CACNG3: variants seen among roughly 807,000 people sequenced by gnomAD.
CACNG3 encodes voltage-dependent calcium channel gamma-3 subunit.
CACNG3 carries 3 observed loss-of-function variants against 28.5 expected under a neutral mutation model. The ratio of observed to expected loss-of-function variants is 0.11; its 90% CI spans 0.05 to 0.27. The LOEUF is 0.27. Among genes scored for constraint, CACNG3 ranks in the 10% least tolerant of loss-of-function variants. The pLI is 1.00. For synonymous variants in CACNG3, 174 were observed against 162.2 expected (o/e 1.07, Z -0.55); for missense variants, 236 against 414.4 (o/e 0.57, Z 3.74).
At chr16:24,349,052 C>A (rs147773877) in intron 2 of CACNG3, among the ~76,000 whole-genome samples, 97 of 152,318 alleles carry the variant, frequency 6.4e-4, no homozygotes, top group African/African-American at 2.2e-3. Context: ...AATGAGAACA[C>A]AGATTTCCTG....
chr16:24,279,446 G>A (rs945037911), intron 1 of CACNG3, among the ~76,000 whole-genome samples: 2 of 151,636 alleles, frequency 1.3e-5, no homozygotes, highest in African/African-American at 2.4e-5. Context: ...GAGGTGCACC[G>A]CTACACCTGG....
rs185109940 is a variant in CACNG3, at chr16:24,342,471, A to G, written c.212-4263A>G. ...CTAGATTACATCTTCTATCCCAGGA[A>G]GGCCCAAACTCCCCTTTGCTTTCCA... On this transcript the variant is annotated intron_variant, in intron 1 of 3. Transcript: ENST00000005284. 8.4e-3 allele frequency among the ~76,000 whole-genome samples: 1,285 copies of G among 152,292 alleles called. 21 individuals are homozygous for G. Among genetic ancestry groups the G allele is most frequent in the Non-Finnish European group, 9.3e-3 (634 of 68,022 alleles).
intron 1 of CACNG3, among the ~76,000 whole-genome samples, chr16:24,300,991 C>A (rs1001535447): frequency 6.8e-6 from 1 of 147,128 alleles, no homozygotes; most frequent in Non-Finnish European, 1.5e-5. Context: ...TGCAGTGAGC[C>A]GAGATCATGT....
chr16:24,354,321 C>A (rs2141383504), intron 2 of CACNG3, among the ~76,000 whole-genome samples: 1 of 152,222 alleles, frequency 6.6e-6, no homozygotes, highest in South Asian at 2.1e-4. Context: ...GACATTCTCC[C>A]AGTGAGCGCA....
intron 2 of CACNG3, among the ~76,000 whole-genome samples, chr16:24,352,602 G>C (rs753818334): frequency 2.0e-5 from 3 of 150,602 alleles, no homozygotes; most frequent in Non-Finnish European, 4.4e-5. Context: ...GCAGTGGTAC[G>C]ATCTCAGCTC....
At position 24,361,611 on chromosome 16, in the gene CACNG3, G is replaced by A; in HGVS notation, c.696G>A (p.Arg232=). ...ARLPPYRYRF[R]RRSSSRSTEP... is the part of the protein sequence containing the mutation. ...TCCCACCCTACAGGTATCGATTCCGGAGGCGGTCAAGTTCTCGCTCCACCG... is the reference window on the plus strand; with the variant it reads ...TCCCACCCTACAGGTATCGATTCCGAAGGCGGTCAAGTTCTCGCTCCACCG... The change falls in exon 4 of 4, where the codon CGG becomes CGA. Residue 232 remains arginine (R), a synonymous_variant. Coordinates refer to ENST00000005284, the MANE Select transcript of CACNG3 (RefSeq NM_006539.4). The surrounding 1 kb of genome is among the most constrained non-coding windows in gnomAD (Gnocchi z 6.8). 6.2e-7 allele frequency: 1 copy of A among 1,613,404 alleles called. No homozygotes were observed. The highest frequency in any genetic ancestry group is 8.5e-7 in the Non-Finnish European group (1 of 1,179,708).
intron 1 of CACNG3, among the ~76,000 whole-genome samples, chr16:24,281,766 C>A (rs1383395947): frequency 6.6e-6 from 1 of 152,104 alleles, no homozygotes; most frequent in Non-Finnish European, 1.5e-5. Flanking sequence ...ATGTTCTGAC[C>A]AGCATGAATG....
intron 1 of CACNG3, among the ~76,000 whole-genome samples, chr16:24,270,185 C>T (rs541698454): frequency 2.6e-5 from 4 of 152,232 alleles, no homozygotes; most frequent in Non-Finnish European, 5.9e-5. Flanking sequence ...TCCAAAAAAC[C>T]ATGTTGAGGT....
intron 1 of CACNG3, among the ~76,000 whole-genome samples, chr16:24,272,116 T>A (rs1210319749): frequency 2.7e-5 from 3 of 112,046 alleles, no homozygotes; most frequent in Non-Finnish European, 6.2e-5. Context: ...TTTTAATCTT[T>A]AACTTTAAAA....
Position 24,331,808 on chromosome 16 carries a change from G to A in CACNG3, c.212-14926G>A, listed in dbSNP as rs570616122. Among the ~76,000 whole-genome samples, 4 of 152,218 alleles carry A rather than the reference G, an allele frequency of 2.6e-5. No homozygotes were observed. In the South Asian group the frequency reaches 6.2e-4, roughly 24 times the overall value. On this transcript the variant is annotated intron_variant, in intron 1 of 3. Transcript: ENST00000005284. ...AGTGCCATACTTCCCCAAGGCCTTG[G>A]CACTTGCAGTTTCCTCTGCCTGGAA...
chr16:24,302,382 A>G (rs192034078), intron 1 of CACNG3, among the ~76,000 whole-genome samples: 50 of 152,352 alleles, frequency 3.3e-4, no homozygotes, highest in Non-Finnish European at 6.9e-4. Context: ...TAAGAAATGC[A>G]GTTACAAAAT....
rs954933861 is a variant in CACNG3 at position 24,348,122 on chromosome 16, G to T, written c.295+1305G>T. ...GATTCACTCAAAATAGTGAGGCCAAGTGCAATGGCTCACACCTGTAATCTC... is the reference window on the plus strand; with the variant it reads ...GATTCACTCAAAATAGTGAGGCCAATTGCAATGGCTCACACCTGTAATCTC... On this transcript the variant is annotated intron_variant, in intron 2 of 3. Coordinates refer to ENST00000005284, the MANE Select transcript of CACNG3 (RefSeq NM_006539.4). Among the ~76,000 whole-genome samples the T allele has an allele frequency of 3.3e-5, 5 of 152,296 alleles. No homozygotes were observed. In the East Asian group the frequency reaches 9.6e-4, roughly 29 times the overall value.
At chr16:24,349,538 G>T (rs993770985) in intron 2 of CACNG3, among the ~76,000 whole-genome samples, 2 of 152,140 alleles carry the variant, frequency 1.3e-5, no homozygotes, top group Non-Finnish European at 2.9e-5. Context: ...AGGAACTGAG[G>T]GTTCCTCCCA....
chr16:24,258,229 A>G (rs1345032924), intron 1 of CACNG3, among the ~76,000 whole-genome samples: 1 of 152,230 alleles, frequency 6.6e-6, no homozygotes, highest in African/African-American at 2.4e-5. Context: ...GTAATATTGC[A>G]TCATTCTCTG....
intron 1 of CACNG3, among the ~76,000 whole-genome samples, chr16:24,297,504 C>T (rs9652580): frequency 0.4 from 61,256 of 151,850 alleles, 12,591 homozygotes; most frequent in Non-Finnish European, 0.45. Context: ...ACAAGCTGAA[C>T]AGAGGATGCA....
chr16:24,274,496 C>T (rs1898729868), intron 1 of CACNG3, among the ~76,000 whole-genome samples: 1 of 152,186 alleles, frequency 6.6e-6, no homozygotes, highest in South Asian at 2.1e-4. Context: ...GCTCCACCAA[C>T]AGCAGGGAAT....
At chr16:24,282,264 G>C (rs1898839117) in intron 1 of CACNG3, among the ~76,000 whole-genome samples, 1 of 152,106 alleles carries the variant, frequency 6.6e-6, no homozygotes, top group South Asian at 2.1e-4. Flanking sequence ...TCCTATGGCC[G>C]CCTTTTCTAG....
chr16:24,323,383 C>T (rs1418828091), intron 1 of CACNG3, among the ~76,000 whole-genome samples: 1 of 152,080 alleles, frequency 6.6e-6, no homozygotes, highest in African/African-American at 2.4e-5. Flanking sequence ...TAATCCTTCC[C>T]CTAATAAAGA....
rs951773507 is a variant in CACNG3, at chr16:24,280,750, A to G, written c.211+23785A>G. 2.2e-5 allele frequency among the ~76,000 whole-genome samples: 3 copies of G among 136,106 alleles called. No individual in the cohort carries two copies. In the East Asian group the frequency reaches 7.3e-4, roughly 33 times the overall value. The allele number at this position is 136,106 out of a possible 152,430, so 89.3% of individuals were successfully genotyped here. A position where few individuals can be genotyped will look rare whatever the true frequency, so the allele number is the denominator to read the frequency against. On this transcript the variant is annotated intron_variant, in intron 1 of 3. Transcript: ENST00000005284. ...AAAATCACTTGAACCTGGGAGGCAGAGGTTGTAGTGAGCCGAGATCAAGAT... is the reference window on the plus strand; with the variant it reads ...AAAATCACTTGAACCTGGGAGGCAGGGGTTGTAGTGAGCCGAGATCAAGAT...
Sources: gnomAD v4.1 joint callset for allele counts (sites outside exome capture counted in the v4.1 genomes callset) on GRCh38, gnomAD v4.1.1 for gene constraint, Gnocchi (gnomAD v3.1) non-coding constraint, MANE v1.5 for transcripts, NCBI Gene and HGNC (gene_info 2026-07-23, HGNC 2026-07-21) for gene names.